The following ATP11C variants were observed in gnomAD, a reference collection of about 807,000 sequenced individuals.
ATP11C encodes phospholipid-transporting ATPase IG.
A neutral mutation model predicts 97.4 loss-of-function variants in ATP11C; 36 were observed. That is an observed-to-expected ratio of 0.37 (90% CI 0.28 to 0.49). The LOEUF (loss-of-function observed/expected upper bound fraction) is 0.49, where lower values mean the gene tolerates loss of function less well. Among genes scored for constraint, ATP11C ranks in the 20% least tolerant of loss-of-function variants. The pLI is 0.98. For missense variants in ATP11C, 730 were observed against 824.6 expected (o/e 0.89, Z 1.40); for synonymous variants, 275 against 290.9 (o/e 0.95, Z 0.56).
intron 27 of ATP11C, among the ~76,000 whole-genome samples, chrX:139,740,517 T>A (rs2081533664): frequency 8.9e-6 from 1 of 111,793 alleles, no homozygotes; most frequent in Non-Finnish European, 1.9e-5. Context: ...AATACAACCC[T>A]CTGAATTATT....
chrX:139,859,619 T>TA (rs1223038191), intron 1 of ATP11C, among the ~76,000 whole-genome samples: 2 of 112,029 alleles, frequency 1.8e-5, no homozygotes, highest in Non-Finnish European at 3.8e-5. Flanking sequence ...AAGGCAGACA[T>TA]ATTCAACCCT....
chrX:139,873,783 A>T (rs755434867), intron 1 of ATP11C, among the ~76,000 whole-genome samples: 195 of 108,428 alleles, frequency 1.8e-3, no homozygotes, highest in African/African-American at 5.8e-3. Context: ...AAAAAAAAAA[A>T]TTTTAAGTAA....
chrX:139,900,403 T>TCA (rs1006686666), intron 1 of ATP11C, among the ~76,000 whole-genome samples: 1 of 109,448 alleles, frequency 9.1e-6, no homozygotes, highest in African/African-American at 3.3e-5. Flanking sequence ...TGCTAATGCT[T>TCA]CACAAAGCTT....
At chrX:139,809,694 T>C (rs184329810) in intron 5 of ATP11C, among the ~76,000 whole-genome samples, 1,262 of 112,235 alleles carry the variant, frequency 0.011, 18 homozygotes, top group African/African-American at 0.039. Flanking sequence ...CCTGGCGCGG[T>C]GGCTCATGCC....
chrX:139,920,379 GAT>G (rs2085239696), intron 1 of ATP11C, among the ~76,000 whole-genome samples: 2 of 13,199 alleles, frequency 1.5e-4, no homozygotes, highest in Non-Finnish European at 2.6e-3. Context: ...ATTAAGTACT[GAT>G]ACTGATACAT....
At chrX:139,931,879 G>T (rs1403185062) in intron 1 of ATP11C, 137 bp downstream of exon 1, 1 of 805,107 alleles carries the variant, frequency 1.2e-6, no homozygotes, top group Non-Finnish European at 1.7e-6. Flanking sequence ...ACCGTGTTTC[G>T]GTGAAAAGGA....
At chrX:139,834,104 C>T (rs939573410) in intron 1 of ATP11C, among the ~76,000 whole-genome samples, 2 of 111,591 alleles carry the variant, frequency 1.8e-5, no homozygotes, top group Non-Finnish European at 3.8e-5. Flanking sequence ...AGAAGAGGCA[C>T]GGGAAATTTT....
intron 1 of ATP11C, among the ~76,000 whole-genome samples, chrX:139,886,790 ATTATCTATAGAT>A (rs1379278431): frequency 2.7e-5 from 3 of 110,970 alleles, no homozygotes; most frequent in African/African-American, 9.8e-5. Context: ...TCTCCTCCAA[ATTATCTATAGAT>A]TTTAATTCAC....
chrX:139,882,950 T>C (rs2084583847), intron 1 of ATP11C, among the ~76,000 whole-genome samples: 1 of 111,269 alleles, frequency 9.0e-6, no homozygotes, highest in Non-Finnish European at 1.9e-5. Flanking sequence ...AGGCCTTGTA[T>C]GTCCTGATAA....
chrX:139,899,614 G>A (rs751878965), intron 1 of ATP11C, among the ~76,000 whole-genome samples: 6 of 111,310 alleles, frequency 5.4e-5, no homozygotes, highest in Non-Finnish European at 7.5e-5. Context: ...TTCATGAATC[G>A]TGACAAATTA....
chrX:139,890,263 G>T (rs1457468728), intron 1 of ATP11C, among the ~76,000 whole-genome samples: 1 of 111,262 alleles, frequency 9.0e-6, no homozygotes, highest in African/African-American at 3.3e-5. Flanking sequence ...TTGTGTGGTG[G>T]TTCACACCTG....
chrX:139,873,194 T>C (rs1454643312), intron 1 of ATP11C, among the ~76,000 whole-genome samples: 2 of 112,580 alleles, frequency 1.8e-5, no homozygotes, highest in Non-Finnish European at 3.7e-5. Context: ...CTGTAGAGAT[T>C]AATGGTATAC....
At chrX:139,924,235 T>A (rs1241619907) in intron 1 of ATP11C, 1 of 382,796 alleles carries the variant, frequency 2.6e-6, no homozygotes, top group Non-Finnish European at 5.3e-6. Flanking sequence ...GTGCATCAAT[T>A]TACCACCGGC....
chrX:139,765,198 A>C (rs2082111988), intron 20 of ATP11C, among the ~76,000 whole-genome samples: 1 of 110,271 alleles, frequency 9.1e-6, no homozygotes, highest in Non-Finnish European at 1.9e-5. Context: ...AAATGGATTA[A>C]GACCTCTTCA....
chrX:139,911,147 G>T (rs2085067803), intron 1 of ATP11C, among the ~76,000 whole-genome samples: 1 of 110,615 alleles, frequency 9.0e-6, no homozygotes, highest in South Asian at 3.8e-4. Flanking sequence ...TTAAAATTAA[G>T]AACTTGTTTA....
intron 6 of ATP11C, among the ~76,000 whole-genome samples, chrX:139,803,574 A>G (rs2082971750): frequency 9.2e-6 from 1 of 109,163 alleles, no homozygotes; most frequent in Non-Finnish European, 1.9e-5. Context: ...ATTTGGCCAA[A>G]TTTACTTTAA....
chrX:139,929,856 T>C (rs947675324), intron 1 of ATP11C, among the ~76,000 whole-genome samples: 2 of 111,606 alleles, frequency 1.8e-5, no homozygotes, highest in Non-Finnish European at 3.8e-5. Context: ...GCGCATGGTT[T>C]ACTGATCTAA....
chrX:139,896,905 T>TGTAG (rs2084818770), intron 1 of ATP11C, among the ~76,000 whole-genome samples: 1 of 110,741 alleles, frequency 9.0e-6, no homozygotes, highest in Non-Finnish European at 1.9e-5. Flanking sequence ...TTATGGCAAA[T>TGTAG]GTACCATTCT....
chrX:139,844,472 C>A (rs1238191166), intron 1 of ATP11C, among the ~76,000 whole-genome samples: 1 of 112,271 alleles, frequency 8.9e-6, no homozygotes, highest in Non-Finnish European at 1.9e-5. Flanking sequence ...AGCACATATG[C>A]AGGGCAAGCA....
Sources: gnomAD v4.1 joint callset for allele counts (sites outside exome capture counted in the v4.1 genomes callset) on GRCh38, gnomAD v4.1.1 for gene constraint, MANE v1.5 for transcripts, NCBI Gene and HGNC (gene_info 2026-07-23, HGNC 2026-07-21) for gene names.